Variants in STARD13 observed in about 807,000 individuals in gnomAD.
The protein encoded by STARD13 is StAR related lipid transfer domain containing 13.
Under a neutral mutation model 106.4 loss-of-function variants are expected in STARD13, and 62 were observed. The ratio of observed to expected loss-of-function variants is 0.58; its 90% CI spans 0.48 to 0.72. The LOEUF (loss-of-function observed/expected upper bound fraction) is 0.72, where lower values mean the gene tolerates loss of function less well. Among genes scored for constraint, STARD13 ranks in the 30% least tolerant of loss-of-function variants. STARD13 has a pLI of 0.00. For missense variants in STARD13, 1,387 were observed against 1,424.0 expected (o/e 0.97, Z 0.42); for synonymous variants, 565 against 553.0 (o/e 1.02, Z -0.31).
intron 4 of STARD13, among the ~76,000 whole-genome samples, chr13:33,131,214 A>T (rs970037855): frequency 4.6e-5 from 7 of 152,168 alleles, no homozygotes; most frequent in Non-Finnish European, 5.9e-5. Context: ...AAACTGAATC[A>T]TCGGATCCTG....
chr13:33,666,957 C>T, the STARD13 span, among the ~76,000 whole-genome samples: 1 of 152,248 alleles, frequency 6.6e-6, no homozygotes, highest in East Asian at 1.9e-4. Flanking sequence ...AATTTTAGGT[C>T]CCAAACTTTG....
At chr13:33,149,855 G>A (rs917138259) in intron 3 of STARD13, among the ~76,000 whole-genome samples, 1 of 152,218 alleles carries the variant, frequency 6.6e-6, no homozygotes, top group Admixed American at 6.5e-5. Context: ...ATTCTCGTGT[G>A]AGTGAAGCCA....
At chr13:33,225,895 C>T (rs1888601362) in intron 1 of STARD13, among the ~76,000 whole-genome samples, 1 of 152,174 alleles carries the variant, frequency 6.6e-6, no homozygotes, top group African/African-American at 2.4e-5. Context: ...GTGTCTCCTC[C>T]TCAAATTCAT....
At chr13:33,382,185 A>C in the STARD13 span, among the ~76,000 whole-genome samples, 52 of 152,232 alleles carry the variant, frequency 3.4e-4, 2 homozygotes, top group Non-Finnish European at 6.6e-4. Context: ...CTGTTGGGTA[A>C]CTTCAGGTCA....
At position 33,118,079 on chromosome 13, in the gene STARD13, A is replaced by G. The variant is rs765501446; in HGVS notation, c.2267T>C (p.Leu756Pro). ...LFTNKLSETF[L>P]HIYQYVSKEQ... Reference sequence around the variant, plus strand: ...TTTCCACTTACACTGATAGATATGGAGAAAGGTCTCACTGAGCTTGTTGGT... The same window carrying G: ...TTTCCACTTACACTGATAGATATGGGGAAAGGTCTCACTGAGCTTGTTGGT... The change falls in exon 8 of 14, where the codon CTC (leucine) becomes CCC (proline). Residue 756 changes from leucine (L) to proline (P), a missense_variant. Leu to Pro is a moderately conservative substitution (Grantham distance 98). Coordinates refer to ENST00000336934, the MANE Select transcript of STARD13 (RefSeq NM_178006.4). 18 of 1,614,206 alleles carry G rather than the reference A, an allele frequency of 1.1e-5. No individual in the cohort carries two copies. The highest frequency in any genetic ancestry group is 1.5e-5 in the Non-Finnish European group (18 of 1,180,034).
chr13:33,461,985 G>A, the STARD13 span, among the ~76,000 whole-genome samples: 217 of 152,222 alleles, frequency 1.4e-3, 1 homozygote, highest in African/African-American at 5.1e-3. Context: ...TTATAAACAT[G>A]CAACCACAAT....
the STARD13 span, among the ~76,000 whole-genome samples, chr13:33,387,866 G>A: frequency 5.3e-5 from 8 of 152,170 alleles, no homozygotes; most frequent in Admixed American, 1.3e-4. Context: ...CAGATTGGCC[G>A]CTCCCAGATT....
chr13:33,125,232 A>T (rs1485015975), intron 7 of STARD13, among the ~76,000 whole-genome samples: 1 of 152,250 alleles, frequency 6.6e-6, no homozygotes, highest in African/African-American at 2.4e-5. Flanking sequence ...AGGTTGGTAC[A>T]GATTCTCTGC....
intron 1 of STARD13, chr13:33,186,012 G>C (rs772523783): frequency 6.2e-7 from 1 of 1,614,130 alleles, no homozygotes; most frequent in Admixed American, 1.7e-5. Context: ...AACTGAGGAG[G>C]GTTCCAGCAT....
chr13:33,256,186 T>C (rs1232993002), intron 1 of STARD13, among the ~76,000 whole-genome samples: 1 of 152,230 alleles, frequency 6.6e-6, no homozygotes, highest in African/African-American at 2.4e-5. Context: ...TCACCAGCCC[T>C]GGGCTGTGAC....
At chr13:33,160,591 A>G (rs1329650390) in intron 3 of STARD13, among the ~76,000 whole-genome samples, 1 of 152,226 alleles carries the variant, frequency 6.6e-6, no homozygotes, top group Non-Finnish European at 1.5e-5. Context: ...AAACTCAACA[A>G]TAAGAAAAAC....
the STARD13 span, among the ~76,000 whole-genome samples, chr13:33,608,224 A>G: frequency 2.0e-5 from 3 of 152,222 alleles, no homozygotes; most frequent in East Asian, 3.8e-4. Context: ...ACATTTTTAA[A>G]AGACATGCAA....
the STARD13 span, among the ~76,000 whole-genome samples, chr13:33,422,546 C>T: frequency 2.6e-5 from 4 of 152,218 alleles, no homozygotes; most frequent in East Asian, 7.7e-4. Context: ...TCAATGCCAT[C>T]CCCATCAAAC....
the STARD13 span, among the ~76,000 whole-genome samples, chr13:33,584,355 T>C: frequency 2.0e-5 from 3 of 151,868 alleles, no homozygotes; most frequent in African/African-American, 7.3e-5. Context: ...GCAAAGGAGG[T>C]GCCATGGCCA....
the STARD13 span, among the ~76,000 whole-genome samples, chr13:33,384,840 C>T: frequency 6.6e-6 from 1 of 151,968 alleles, no homozygotes; most frequent in Non-Finnish European, 1.5e-5. Context: ...TTAAATGTGC[C>T]CAGGGCTCCA....
intron 1 of STARD13, among the ~76,000 whole-genome samples, chr13:33,174,213 G>T (rs1011649786): frequency 1.3e-5 from 2 of 151,982 alleles, no homozygotes; most frequent in African/African-American, 4.8e-5. Flanking sequence ...TGACATATAC[G>T]TAAACAAATA....
At chr13:33,225,490 C>T (rs1052091676) in intron 1 of STARD13, among the ~76,000 whole-genome samples, 1 of 152,094 alleles carries the variant, frequency 6.6e-6, no homozygotes, top group African/African-American at 2.4e-5. Flanking sequence ...GTAAATAAAC[C>T]TAGTTGTAAA....
At chr13:33,301,009 G>A (rs1182524198) in intron 1 of STARD13, among the ~76,000 whole-genome samples, 1 of 152,192 alleles carries the variant, frequency 6.6e-6, no homozygotes, top group Non-Finnish European at 1.5e-5. Flanking sequence ...ATCTTCCTAA[G>A]CAGCACCCTG....
chr13:33,123,859 T>G (rs1876742060), intron 7 of STARD13, among the ~76,000 whole-genome samples: 1 of 152,196 alleles, frequency 6.6e-6, no homozygotes, highest in East Asian at 1.9e-4. Flanking sequence ...GCCTTCTCCC[T>G]GAGACTCGGG....
Sources: allele counts gnomAD v4.1 joint callset (sites outside exome capture counted in the v4.1 genomes callset), GRCh38; gene constraint gnomAD v4.1.1; transcripts MANE v1.5; gene names NCBI Gene and HGNC (gene_info 2026-07-23, HGNC 2026-07-21).